The following GAREM1 variants were observed in gnomAD, a reference collection of about 807,000 sequenced individuals.
The protein encoded by GAREM1 is GRB2-associated and regulator of MAPK protein 1.
In GAREM1, 26 loss-of-function variants were observed where a neutral mutation model predicts 71.3. The ratio of observed to expected loss-of-function variants is 0.36; its 90% confidence interval spans 0.27 to 0.51. The LOEUF (loss-of-function observed/expected upper bound fraction) is 0.51. Among genes scored for constraint, GAREM1 ranks in the 20% least tolerant of loss-of-function variants. The pLI, the probability that GAREM1 is intolerant of heterozygous loss-of-function variation, is 0.95. For synonymous variants in GAREM1, 440 were observed against 433.2 expected (o/e 1.02, Z -0.20); for missense variants, 1,026 against 1,103.1 (o/e 0.93, Z 0.99).
intron 3 of GAREM1, among the ~76,000 whole-genome samples, chr18:32,302,360 A>C (rs2047209333): frequency 1.3e-5 from 2 of 152,196 alleles, no homozygotes; most frequent in Admixed American, 1.3e-4. Flanking sequence ...TAAACTTCCT[A>C]GTCCTGTTGG....
chr18:32,367,975 A>G (rs1011626242), intron 2 of GAREM1, among the ~76,000 whole-genome samples: 1 of 152,192 alleles, frequency 6.6e-6, no homozygotes, highest in African/African-American at 2.4e-5. Flanking sequence ...ATCCTCAGGC[A>G]AATACATCTA....
At position 32,392,946 on chromosome 18, in the gene GAREM1, C is replaced by A; in HGVS notation, c.211G>T (p.Glu71Ter). The change falls in exon 2 of 6, where the codon GAG (glutamate) becomes TAG (stop). Residue 71 changes from glutamate (E) to a stop codon, truncating the protein, a stop_gained. Coordinates refer to ENST00000269209, the MANE Select transcript of GAREM1 (RefSeq NM_001242409.2). LOFTEE classifies it high-confidence loss of function. ...WTTITAHSLE[E>*]GHYVIGPKIE... ...TTTGGCCCAATGACATAGTGACCCTCCTCCAAGCTGTGGGCAGTGATGGTG... is the reference window on the plus strand; with the variant it reads ...TTTGGCCCAATGACATAGTGACCCTACTCCAAGCTGTGGGCAGTGATGGTG... 6.2e-7 allele frequency: 1 copy of A among 1,613,902 alleles called. No homozygotes were observed. The highest frequency in any genetic ancestry group is 1.3e-5 in the African/African-American group (1 of 75,036).
intron 3 of GAREM1, among the ~76,000 whole-genome samples, chr18:32,307,324 T>C (rs982359929): frequency 2.0e-5 from 3 of 152,244 alleles, no homozygotes; most frequent in African/African-American, 2.4e-5. Context: ...GTATCTGAAG[T>C]AGAAGAGAGA....
At chr18:32,408,574 T>C (rs181393470) in intron 1 of GAREM1, among the ~76,000 whole-genome samples, 39 of 152,206 alleles carry the variant, frequency 2.6e-4, no homozygotes, top group Admixed American at 2.5e-3. Context: ...AAATAGTGAG[T>C]ACAACAGAAA....
At chr18:32,394,952 G>A (rs983732568) in intron 1 of GAREM1, among the ~76,000 whole-genome samples, 1 of 152,234 alleles carries the variant, frequency 6.6e-6, no homozygotes, top group African/African-American at 2.4e-5. Context: ...TGGAAAGTGT[G>A]TAGCACCAGT....
chr18:32,357,197 C>T (rs2047815010), intron 2 of GAREM1, among the ~76,000 whole-genome samples: 1 of 152,216 alleles, frequency 6.6e-6, no homozygotes, highest in African/African-American at 2.4e-5. Context: ...TTTGCCTTGG[C>T]CAGGCACAGC....
chr18:32,385,537 T>C (rs965038868), intron 2 of GAREM1, among the ~76,000 whole-genome samples: 5 of 152,154 alleles, frequency 3.3e-5, no homozygotes, highest in Non-Finnish European at 7.4e-5. Flanking sequence ...GTCACCTGTA[T>C]GCAGATGACT....
At chr18:32,331,593 A>G (rs541561486) in intron 2 of GAREM1, 1 of 152,310 alleles carries the variant, frequency 6.6e-6, no homozygotes, top group South Asian at 2.1e-4. Context: ...AAAATCACCC[A>G]GAAGACCGTG....
chr18:32,443,197 G>C (rs1484324529), intron 1 of GAREM1, among the ~76,000 whole-genome samples: 1 of 152,062 alleles, frequency 6.6e-6, no homozygotes, highest in Non-Finnish European at 1.5e-5. Context: ...ACTCTTAGAA[G>C]AAAGCTAGCA....
At chr18:32,351,606 TAC>T (rs1439573063) in intron 2 of GAREM1, among the ~76,000 whole-genome samples, 1 of 152,128 alleles carries the variant, frequency 6.6e-6, no homozygotes. Context: ...AGGATGATGC[TAC>T]ACACACAGTG....
chr18:32,315,435 T>TA (rs374045739), intron 2 of GAREM1, among the ~76,000 whole-genome samples: 3 of 146,546 alleles, frequency 2.0e-5, no homozygotes, highest in Non-Finnish European at 4.5e-5. Flanking sequence ...AAAGTATATA[T>TA]AAAAAAATAT....
chr18:32,314,494 A>G (rs1361727525), intron 2 of GAREM1, among the ~76,000 whole-genome samples: 2 of 152,196 alleles, frequency 1.3e-5, no homozygotes, highest in Admixed American at 6.5e-5. Context: ...TGACGCATCC[A>G]AAGTATTCAG....
rs1335133598 is a variant in GAREM1 at position 32,265,596 on chromosome 18, C to T, written c.*2275G>A. On this transcript the variant is annotated 3_prime_UTR_variant, in exon 6 of 6. Coordinates refer to ENST00000269209, the MANE Select transcript of GAREM1 (RefSeq NM_001242409.2). ...AATCAAAGGCCACAGTCCCTGCCCT[C>T]AAGGAGTCTCTGCGTTGCCAATCAA... 6.6e-6 allele frequency: 1 copy of T among 152,170 alleles called. No homozygotes were observed. Among genetic ancestry groups the T allele is most frequent in the Admixed American group, 6.5e-5 (1 of 15,282 alleles). The allele number at this position is 152,170 out of a possible 1,614,324, so 9.4% of individuals were successfully genotyped here.
At position 32,287,328 on chromosome 18, in the gene GAREM1, A is replaced by G; in HGVS notation, c.1269T>C (p.Tyr423=). 1 of 1,614,174 alleles carries G rather than the reference A, an allele frequency of 6.2e-7. No individual in the cohort carries two copies. Among genetic ancestry groups the G allele is most frequent in the East Asian group, 2.2e-5 (1 of 44,870 alleles). The change falls in exon 4 of 6, where the codon TAT becomes TAC. Residue 423 remains tyrosine (Y), a synonymous_variant. Coordinates refer to ENST00000269209, the MANE Select transcript of GAREM1 (RefSeq NM_001242409.2). The surrounding 1 kb of genome is among the most constrained non-coding windows in gnomAD (Gnocchi z 5.9). ...WAPFPHDILP[Y]QDSGDSGSDY... is the part of the protein sequence containing the mutation. ...CGCTCCCACTATCTCCAGAGTCCTG[A>G]TAGGGCAGGATGTCATGAGGAAAGG...
intron 1 of GAREM1, among the ~76,000 whole-genome samples, chr18:32,397,143 C>T (rs925425508): frequency 2.0e-5 from 3 of 152,150 alleles, no homozygotes; most frequent in African/African-American, 7.2e-5. Flanking sequence ...ACAAGAGCTC[C>T]TGAAGGAAGC....
intron 2 of GAREM1, among the ~76,000 whole-genome samples, chr18:32,365,651 C>T (rs1036407064): frequency 2.0e-5 from 3 of 152,156 alleles, no homozygotes; most frequent in Non-Finnish European, 4.4e-5. Flanking sequence ...TTGCACCCCA[C>T]CCTAGTCTCA....
chr18:32,441,620 C>A lies in GAREM1; in HGVS notation c.121+28688G>T, dbSNP rs548058053. 6.6e-5 allele frequency among the ~76,000 whole-genome samples: 10 copies of A among 152,252 alleles called. No homozygotes were observed. In the East Asian group the frequency reaches 1.9e-3, roughly 29 times the overall value. On this transcript the variant is annotated intron_variant, in intron 1 of 5. Coordinates refer to ENST00000269209, the MANE Select transcript of GAREM1 (RefSeq NM_001242409.2). ...CAAACATCTTTTAAACATACAGAAGCCTTCTCTTATACCCAGAAACAAAAG... is the reference window on the plus strand; with the variant it reads ...CAAACATCTTTTAAACATACAGAAGACTTCTCTTATACCCAGAAACAAAAG...
chr18:32,287,850 C>T lies in GAREM1; in HGVS notation c.747G>A (p.Val249=). 1 of 1,612,768 alleles carries T rather than the reference C, an allele frequency of 6.2e-7. No individual in the cohort carries two copies. The highest frequency in any genetic ancestry group is 8.5e-7 in the Non-Finnish European group (1 of 1,179,628). The change falls in exon 4 of 6, where the codon GTG becomes GTA. Residue 249 remains valine (V), a synonymous_variant. Coordinates refer to ENST00000269209, the MANE Select transcript of GAREM1 (RefSeq NM_001242409.2). The surrounding 1 kb of genome is among the most constrained non-coding windows in gnomAD (Gnocchi z 5.9). The part of the protein sequence containing the change: ...IVEKTRLPVN[V]TVPSPPPRNP... ...TTCTCGGTGGAGGGCTTGGCACAGT[C>T]ACATTCACAGGAAGCCTGGTTTTCT...
intron 2 of GAREM1, among the ~76,000 whole-genome samples, chr18:32,334,780 T>G (rs2047572873): frequency 6.6e-6 from 1 of 152,196 alleles, no homozygotes; most frequent in Non-Finnish European, 1.5e-5. Context: ...GATAGATCAC[T>G]TCTCTGCCCT....
Sources: allele counts gnomAD v4.1 joint callset (sites outside exome capture counted in the v4.1 genomes callset), GRCh38; gene constraint gnomAD v4.1.1; non-coding constraint Gnocchi (gnomAD v3.1); transcripts MANE v1.5; gene names NCBI Gene and HGNC (gene_info 2026-07-23, HGNC 2026-07-21).